The following MET variants were observed in gnomAD, a reference collection of about 807,000 sequenced individuals.
MET encodes the protein hepatocyte growth factor receptor.
A neutral mutation model predicts 133.1 loss-of-function variants in MET; 48 were observed. That is an observed-to-expected ratio of 0.36 (90% confidence interval 0.29 to 0.46). The LOEUF is 0.46. MET is among the 20% of genes least tolerant of loss of function. The pLI is 1.00. For synonymous variants in MET, 628 were observed against 616.5 expected (o/e 1.02, Z -0.28); for missense variants, 1,442 against 1,695.9 (o/e 0.85, Z 2.63).
intron 1 of MET, 50 bp downstream of exon 1, chr7:116,672,627 G>A (rs1035509794): frequency 1.6e-5 from 6 of 374,322 alleles, no homozygotes; most frequent in Non-Finnish European, 2.4e-5. Context: ...TCGCCTCAGG[G>A]GTTCTGCTTT....
intron 3 of MET, among the ~76,000 whole-genome samples, chr7:116,738,916 T>A (rs1169639570): frequency 2.6e-5 from 4 of 152,200 alleles, no homozygotes; most frequent in Non-Finnish European, 2.9e-5. Flanking sequence ...CTCACAGATG[T>A]CCATGTTTGT....
chr7:116,687,153 A>G (rs1281101051), intron 1 of MET, among the ~76,000 whole-genome samples: 1 of 152,158 alleles, frequency 6.6e-6, no homozygotes, highest in East Asian at 1.9e-4. Flanking sequence ...TTCCTCTCCC[A>G]TAAATACACA....
rs891908277 is a variant in MET at position 116,763,160 on chromosome 7, G to C, written c.2475G>C (p.Gly825=). The C allele has an allele frequency of 6.2e-7, 1 of 1,613,844 alleles. No individual in the cohort carries two copies. The highest frequency in any genetic ancestry group is 1.3e-5 in the African/African-American group (1 of 74,894). ...CCAAAGCCTTTTTCATGTTAGATGG[G>C]ATCCTTTCCAAATACTTTGATCTCA... ...LKTKAFFMLD[G]ILSKYFDLIY... is the part of the protein sequence containing the mutation. Residue 825 remains glycine, a synonymous_variant, in exon 11 of 21, where the codon GGG becomes GGC. Transcript: ENST00000397752.
At chr7:116,741,197 T>C (rs1037882420) in intron 5 of MET, 172 bp downstream of exon 5, 101 of 764,542 alleles carry the variant, frequency 1.3e-4, no homozygotes, top group Non-Finnish European at 1.9e-4. Flanking sequence ...ACCATCTCTC[T>C]CTTGGCTTTA....
At chr7:116,708,213 G>A (rs1791870236) in intron 2 of MET, among the ~76,000 whole-genome samples, 2 of 152,118 alleles carry the variant, frequency 1.3e-5, no homozygotes, top group African/African-American at 2.4e-5. Context: ...ATGCAAATGA[G>A]AGGGAATATC....
chr7:116,745,289 C>T (rs1793624108), intron 5 of MET, among the ~76,000 whole-genome samples: 1 of 152,144 alleles, frequency 6.6e-6, no homozygotes, highest in African/African-American at 2.4e-5. Context: ...AGGATACAAA[C>T]AAATGGAAGA....
At chr7:116,738,704 G>A (rs912953490) in intron 3 of MET, among the ~76,000 whole-genome samples, 2 of 152,060 alleles carry the variant, frequency 1.3e-5, no homozygotes, top group African/African-American at 4.8e-5. Flanking sequence ...AACAAATTAG[G>A]TACTTTGAGA....
chr7:116,700,149 A>C lies in MET; in HGVS notation c.1065A>C (p.Glu355Asp). Residue 355 changes from glutamate (E) to aspartate (D), a missense_variant, in exon 2 of 21, where the codon GAA (glutamate) becomes GAC (aspartate). Glu to Asp is a conservative substitution (Grantham distance 45). Around this residue, in one of 6 missense-constraint regions of MET, gnomAD observed 762 missense variants for 792.4 expected, o/e 0.96. Transcript: ENST00000397752. ...CACAAAGCAAGCCAGATTCTGCCGA[A>C]CCAATGGATCGATCTGCCATGTGTG... ...VFAQSKPDSA[E>D]PMDRSAMCAF... 1.9e-6 allele frequency: 3 copies of C among 1,596,678 alleles called. No homozygotes were observed. The highest frequency in any genetic ancestry group is 2.6e-6 in the Non-Finnish European group (3 of 1,172,108).
At chr7:116,782,124 A>G (rs34906368) in intron 18 of MET, 27 bp downstream of exon 18, 4 of 1,462,850 alleles carry the variant, frequency 2.7e-6, no homozygotes, top group South Asian at 1.2e-5. Flanking sequence ...CTGTGCCACA[A>G]TCCAAATTAA....
At position 116,699,263 on chromosome 7, in the gene MET, A is replaced by G. The variant is rs776426414; in HGVS notation, c.179A>G (p.His60Arg). 7 of 1,614,026 alleles carry G rather than the reference A, an allele frequency of 4.3e-6. No homozygotes were observed. Among genetic ancestry groups the G allele is most frequent in the Non-Finnish European group, 5.1e-6 (6 of 1,179,926 alleles). The change falls in exon 2 of 21, where the codon CAT becomes CGT. Residue 60 changes from histidine to arginine, a missense_variant. His to Arg is a conservative substitution (Grantham distance 29, BLOSUM62 0). This residue lies in a region of MET where 762 missense variants were observed against 792.4 expected (regional missense o/e 0.96). Transcript: ENST00000397752. ...TPIQNVILHE[H>R]HIFLGATNYI... Reference sequence around the variant, plus strand: ...ATCCAGAATGTCATTCTACATGAGCATCACATTTTCCTTGGTGCCACTAAC... The same window carrying G: ...ATCCAGAATGTCATTCTACATGAGCGTCACATTTTCCTTGGTGCCACTAAC...
intron 2 of MET, among the ~76,000 whole-genome samples, chr7:116,729,459 G>A (rs1047015800): frequency 6.6e-6 from 1 of 152,254 alleles, no homozygotes; most frequent in East Asian, 1.9e-4. Context: ...GAATAAGGTC[G>A]CTATACAGAA....
At chr7:116,703,703 G>GA (rs1375143791) in intron 2 of MET, among the ~76,000 whole-genome samples, 1 of 152,042 alleles carries the variant, frequency 6.6e-6, no homozygotes, top group Non-Finnish European at 1.5e-5. Flanking sequence ...AAAAAAAGGA[G>GA]AATCAGTACA....
At chr7:116,716,456 AAAG>A (rs1322579863) in intron 2 of MET, among the ~76,000 whole-genome samples, 15 of 146,230 alleles carry the variant, frequency 1.0e-4, no homozygotes, top group South Asian at 2.2e-4. Flanking sequence ...AAGAAAAAGA[AAAG>A]AAAGAAAGAG....
At chr7:116,744,354 T>A (rs1433379712) in intron 5 of MET, among the ~76,000 whole-genome samples, 1 of 151,692 alleles carries the variant, frequency 6.6e-6, no homozygotes, top group Non-Finnish European at 1.5e-5. Flanking sequence ...AATGACCTGA[T>A]GGAGCTGAAA....
intron 9 of MET, 150 bp downstream of exon 9, chr7:116,758,770 T>A: frequency 5.4e-6 from 4 of 744,210 alleles, no homozygotes; most frequent in East Asian, 5.4e-5. Flanking sequence ...GAGAGAAAAC[T>A]ATATTCAGGT....
chr7:116,783,821 C>G (rs1468883069), intron 19 of MET, among the ~76,000 whole-genome samples: 1 of 152,162 alleles, frequency 6.6e-6, no homozygotes. Context: ...TCTCATAGCC[C>G]CAGGCGAGCA....
At chr7:116,756,470 G>A (rs900048387) in intron 6 of MET, among the ~76,000 whole-genome samples, 2 of 152,004 alleles carry the variant, frequency 1.3e-5, no homozygotes, top group African/African-American at 4.8e-5. Flanking sequence ...TTAGCTGAAT[G>A]GCAAAACAAA....
intron 5 of MET, among the ~76,000 whole-genome samples, chr7:116,741,616 T>C (rs1436508117): frequency 2.0e-5 from 3 of 152,166 alleles, no homozygotes; most frequent in Non-Finnish European, 4.4e-5. Flanking sequence ...TGAAGATTAT[T>C]TCCCGGGGTG....
chr7:116,714,135 G>T (rs542777524), intron 2 of MET, among the ~76,000 whole-genome samples: 1 of 152,264 alleles, frequency 6.6e-6, no homozygotes, highest in Non-Finnish European at 1.5e-5. Context: ...CAGTATGAAG[G>T]CTGCTAACCA....
Sources: allele counts gnomAD v4.1 joint callset (sites outside exome capture counted in the v4.1 genomes callset), GRCh38; gene constraint gnomAD v4.1.1; regional missense constraint gnomAD v4.1.1; transcripts MANE v1.5; gene names NCBI Gene and HGNC (gene_info 2026-07-23, HGNC 2026-07-21).